Variants in SLC7A1 observed in about 807,000 individuals in gnomAD.
SLC7A1 encodes the protein solute carrier family 7 member 1, also known as high affinity cationic amino acid transporter 1.
A neutral mutation model predicts 53.9 loss-of-function variants in SLC7A1; 10 were observed. The observed-to-expected ratio is 0.19, with a 90% confidence interval of 0.11 to 0.31. The LOEUF (loss-of-function observed/expected upper bound fraction) is 0.31, where lower values mean the gene tolerates loss of function less well. Ranked by LOEUF, SLC7A1 falls within the 10% of genes least tolerant of loss-of-function variation. The pLI is 1.00. For missense variants in SLC7A1, 525 were observed against 827.2 expected, an observed-to-expected ratio of 0.63 and a Z score of 4.48; for synonymous variants, 342 against 338.7, an observed-to-expected ratio of 1.01 and a Z score of -0.11.
At chr13:29,547,098 T>C (rs1869953385) in intron 2 of SLC7A1, among the ~76,000 whole-genome samples, 1 of 152,224 alleles carries the variant, frequency 6.6e-6, no homozygotes, top group Non-Finnish European at 1.5e-5. Flanking sequence ...TTGACCAAGC[T>C]CATTCTCCCT....
chr13:29,565,054 G>A (rs539656186), intron 1 of SLC7A1, among the ~76,000 whole-genome samples: 1 of 152,306 alleles, frequency 6.6e-6, no homozygotes, highest in East Asian at 1.9e-4. Context: ...TTTAAGTGAA[G>A]AATTGTTTGA....
intron 2 of SLC7A1, among the ~76,000 whole-genome samples, chr13:29,542,927 T>C (rs1869731833): frequency 6.6e-6 from 1 of 152,160 alleles, no homozygotes; most frequent in Admixed American, 6.5e-5. Flanking sequence ...ACTTCTGAGC[T>C]TGGACTCTTT....
At chr13:29,569,966 C>T (rs1357055745) in intron 1 of SLC7A1, among the ~76,000 whole-genome samples, 7 of 152,204 alleles carry the variant, frequency 4.6e-5, no homozygotes, top group Non-Finnish European at 8.8e-5. Context: ...CACAGACGTC[C>T]TGGTCACATT....
At chr13:29,551,735 C>A (rs1368330023) in intron 2 of SLC7A1, among the ~76,000 whole-genome samples, 2 of 152,104 alleles carry the variant, frequency 1.3e-5, no homozygotes, top group Admixed American at 6.5e-5. Context: ...TAATTAAGCA[C>A]CTAAACAGGG....
intron 3 of SLC7A1, among the ~76,000 whole-genome samples, chr13:29,533,555 T>C (rs1869271625): frequency 6.6e-6 from 1 of 152,174 alleles, no homozygotes; most frequent in African/African-American, 2.4e-5. Context: ...ACAAAGCCAC[T>C]TGCTCATCTC....
chr13:29,542,015 A>C (rs1869686110), intron 2 of SLC7A1, among the ~76,000 whole-genome samples: 1 of 152,206 alleles, frequency 6.6e-6, no homozygotes, highest in African/African-American at 2.4e-5. Context: ...ACTTTTCAAA[A>C]TTCTCTTTAA....
chr13:29,542,225 T>C (rs1237630353), intron 2 of SLC7A1, among the ~76,000 whole-genome samples: 1 of 151,996 alleles, frequency 6.6e-6, no homozygotes, highest in East Asian at 1.9e-4. Context: ...GAGGCCGAGG[T>C]GGGTGGATCA....
At chr13:29,577,043 T>G (rs907059837) in intron 1 of SLC7A1, among the ~76,000 whole-genome samples, 1 of 152,190 alleles carries the variant, frequency 6.6e-6, no homozygotes, top group South Asian at 2.1e-4. Context: ...TTACAGAAGT[T>G]TACAAATTGC....
chr13:29,520,534 T>C (rs1868589730), intron 8 of SLC7A1, among the ~76,000 whole-genome samples: 1 of 152,218 alleles, frequency 6.6e-6, no homozygotes, highest in Admixed American at 6.5e-5. Flanking sequence ...CCTGCACCCT[T>C]ATTTGAACAT....
intron 6 of SLC7A1, 145 bp downstream of exon 6, chr13:29,523,987 C>A (rs979980369): frequency 3.9e-5 from 29 of 742,406 alleles, no homozygotes; most frequent in Middle Eastern, 7.7e-4. Flanking sequence ...GGTGGGAGGG[C>A]TTGGCAGGAA....
chr13:29,526,282 T>A (rs1868885321), intron 5 of SLC7A1, among the ~76,000 whole-genome samples: 1 of 151,622 alleles, frequency 6.6e-6, no homozygotes, highest in Admixed American at 6.5e-5. Context: ...TTGGGCAACA[T>A]AGTGAGACCC....
At chr13:29,538,344 C>G (rs991726001) in intron 2 of SLC7A1, among the ~76,000 whole-genome samples, 1 of 152,144 alleles carries the variant, frequency 6.6e-6, no homozygotes, top group African/African-American at 2.4e-5. Context: ...GTGGGAAAAT[C>G]AGAACCTAGA....
chr13:29,587,529 C>T (rs1255267304), intron 1 of SLC7A1, among the ~76,000 whole-genome samples: 9 of 152,190 alleles, frequency 5.9e-5, no homozygotes, highest in Non-Finnish European at 1.5e-5. Flanking sequence ...ATGAAGCACC[C>T]AAGAGCTCAC....
intron 1 of SLC7A1, among the ~76,000 whole-genome samples, chr13:29,590,135 C>T (rs1205281638): frequency 1.3e-5 from 2 of 152,168 alleles, no homozygotes; most frequent in African/African-American, 2.4e-5. Flanking sequence ...GGAGGATGAG[C>T]CCCTGCCTTC....
intron 5 of SLC7A1, among the ~76,000 whole-genome samples, chr13:29,525,196 AC>A (rs1487769767): frequency 6.6e-6 from 1 of 152,084 alleles, no homozygotes; most frequent in African/African-American, 2.4e-5. Context: ...TCTGCATCCA[AC>A]CCTCTGCTGC....
intron 2 of SLC7A1, among the ~76,000 whole-genome samples, chr13:29,544,188 G>A (rs1243557819): frequency 6.6e-6 from 1 of 152,202 alleles, no homozygotes; most frequent in East Asian, 1.9e-4. Flanking sequence ...TGCTGAAATG[G>A]TTTGCAGTCA....
intron 2 of SLC7A1, among the ~76,000 whole-genome samples, chr13:29,550,857 C>A (rs1241070756): frequency 1.3e-5 from 2 of 152,194 alleles, no homozygotes; most frequent in African/African-American, 4.8e-5. Flanking sequence ...AATAAATGGT[C>A]CAAACACTCT....
At chr13:29,573,069 T>C (rs1035517090) in intron 1 of SLC7A1, among the ~76,000 whole-genome samples, 3 of 152,058 alleles carry the variant, frequency 2.0e-5, no homozygotes, top group African/African-American at 7.2e-5. Flanking sequence ...TCACGAAACA[T>C]GAAAAATGTA....
chr13:29,552,420 C>A (rs1015089389), intron 2 of SLC7A1, among the ~76,000 whole-genome samples: 6 of 152,054 alleles, frequency 3.9e-5, no homozygotes, highest in Admixed American at 2.6e-4. Flanking sequence ...AACTCTTTTT[C>A]CCAAATGTTG....
Sources: allele counts gnomAD v4.1 joint callset (sites outside exome capture counted in the v4.1 genomes callset), GRCh38; gene constraint gnomAD v4.1.1; transcripts MANE v1.5; gene names NCBI Gene and HGNC (gene_info 2026-07-23, HGNC 2026-07-21).